Variants in ACSM3 observed in about 807,000 individuals in gnomAD.
The protein encoded by ACSM3 is acyl-CoA synthetase medium chain family member 3.
ACSM3 carries 61 observed loss-of-function variants against 74.1 expected under a neutral mutation model. That is an observed-to-expected ratio of 0.82 (90% CI 0.67 to 1.02). ACSM3 has a LOEUF of 1.02. ACSM3 is among the 50% of genes least tolerant of loss of function. The pLI is 0.00. For synonymous variants in ACSM3, 213 were observed against 241.5 expected, an observed-to-expected ratio of 0.88 and a Z score of 1.09; for missense variants, 660 against 697.0, an observed-to-expected ratio of 0.95 and a Z score of 0.60.
intron 2 of ACSM3, 115 bp from the exon 3 acceptor site, chr16:20,775,714 CTCCATCCATG>C (rs2080247167): frequency 1.1e-6 from 1 of 921,328 alleles, no homozygotes; most frequent in African/African-American, 1.6e-5. Flanking sequence ...TTTCCAAATT[CTCCATCCATG>C]TTCTAACTAA....
At chr16:20,754,959 G>A (rs978284846) in intron 2 of ACSM3, among the ~76,000 whole-genome samples, 23 of 152,130 alleles carry the variant, frequency 1.5e-4, no homozygotes, top group Non-Finnish European at 2.1e-4. Context: ...TAGAGGGGCA[G>A]AGGAATTATT....
chr16:20,677,333 G>T (rs2020350419), intron 1 of ACSM3, among the ~76,000 whole-genome samples: 1 of 152,070 alleles, frequency 6.6e-6, no homozygotes, highest in South Asian at 2.1e-4. Context: ...AGGCCATGAA[G>T]GTTCTAACTC....
At chr16:20,765,817 C>T (rs2080119994) in intron 1 of ACSM3, among the ~76,000 whole-genome samples, 1 of 152,218 alleles carries the variant, frequency 6.6e-6, no homozygotes, top group Non-Finnish European at 1.5e-5. Flanking sequence ...AAATGCTTAA[C>T]AGTACAACCA....
At chr16:20,677,659 G>A (rs928585004) in intron 1 of ACSM3, among the ~76,000 whole-genome samples, 2 of 152,172 alleles carry the variant, frequency 1.3e-5, no homozygotes, top group African/African-American at 4.8e-5. Context: ...AGTTTCATAC[G>A]AAAGGGAATC....
intron 1 of ACSM3, chr16:20,718,426 A>C (rs887835445): frequency 4.1e-6 from 3 of 725,902 alleles, no homozygotes; most frequent in Non-Finnish European, 5.9e-6. Flanking sequence ...CAGTGGGACG[A>C]CAGGCTCTCC....
chr16:20,709,116 G>A (rs1463188410), intron 1 of ACSM3, among the ~76,000 whole-genome samples: 2 of 152,124 alleles, frequency 1.3e-5, no homozygotes, highest in Non-Finnish European at 2.9e-5. Flanking sequence ...TGTACCCAAA[G>A]TATAATTTAA....
chr16:20,682,063 C>T (rs772744892), intron 1 of ACSM3: 18 of 559,694 alleles, frequency 3.2e-5, no homozygotes, highest in Admixed American at 9.2e-5. Context: ...CAGATCTCCC[C>T]TCTCACCCCA....
At chr16:20,769,948 A>T in intron 1 of ACSM3, 36 bp from the exon 2 acceptor site, 1 of 1,400,210 alleles carries the variant, frequency 7.1e-7, no homozygotes, top group Non-Finnish European at 1.0e-6. Flanking sequence ...CCTTCAGGAC[A>T]GAAACAAATA....
chr16:20,698,212 A>C (rs1487200098), intron 1 of ACSM3, among the ~76,000 whole-genome samples: 2 of 151,406 alleles, frequency 1.3e-5, no homozygotes. Context: ...AAAAAGAAAA[A>C]CAAACCACGT....
chr16:20,697,596 C>A (rs1389258602), intron 1 of ACSM3: 1 of 125,234 alleles, frequency 8.0e-6, no homozygotes, highest in African/African-American at 2.7e-5. Flanking sequence ...CACACACACA[C>A]ACACACACAG....
intron 4 of ACSM3, among the ~76,000 whole-genome samples, chr16:20,779,198 T>A (rs936946997): frequency 3.9e-5 from 6 of 151,972 alleles, no homozygotes; most frequent in African/African-American, 1.4e-4. Flanking sequence ...TGAGGTGGGA[T>A]GATGGTTTGA....
intron 1 of ACSM3, among the ~76,000 whole-genome samples, chr16:20,740,651 A>G (rs2079909590): frequency 1.3e-5 from 2 of 152,190 alleles, no homozygotes; most frequent in African/African-American, 4.8e-5. Context: ...CCAAGCTAGT[A>G]GAGGATGAGC....
chr16:20,775,551 CAG>C (rs2080245283), intron 2 of ACSM3, among the ~76,000 whole-genome samples: 1 of 152,126 alleles, frequency 6.6e-6, no homozygotes, highest in Non-Finnish European at 1.5e-5. Context: ...TTTCAGGTCT[CAG>C]AGAGTTTTGT....
rs1278461579 is a variant in ACSM3, at chr16:20,770,113, G to C, written c.79G>C (p.Ala27Pro). 6.2e-7 allele frequency: 1 copy of C among 1,614,002 alleles called. No homozygotes were observed. The highest frequency in any genetic ancestry group is 2.2e-5 in the East Asian group (1 of 44,894). The part of the protein sequence containing the change: ...QRLAIFGSVR[A>P]LHKDNRTATP... Reference sequence around the variant, plus strand: ...CCTAGCAATTTTTGGTTCTGTGAGGGCACTGCATAAAGATAATAGAACAGC... The same window carrying C: ...CCTAGCAATTTTTGGTTCTGTGAGGCCACTGCATAAAGATAATAGAACAGC... Residue 27 changes from alanine (A) to proline (P), a missense_variant, in exon 2 of 14, where the codon GCA (alanine) becomes CCA (proline). Coordinates refer to ENST00000289416, the MANE Select transcript of ACSM3 (RefSeq NM_005622.4).
intron 1 of ACSM3, chr16:20,691,096 A>G: frequency 6.2e-7 from 1 of 1,613,734 alleles, no homozygotes; most frequent in Non-Finnish European, 8.5e-7. Flanking sequence ...ATTCTGATAA[A>G]GACCGGCAGC....
chr16:20,690,954 G>A, intron 1 of ACSM3: 3 of 1,571,808 alleles, frequency 1.9e-6, no homozygotes, highest in Middle Eastern at 1.7e-4. Context: ...AGGAAAGTGA[G>A]GCCACCCTTG....
chr16:20,758,154 T>A (rs1400931896), intron 3 of ACSM3, among the ~76,000 whole-genome samples: 3 of 152,254 alleles, frequency 2.0e-5, no homozygotes, highest in Admixed American at 6.5e-5. Flanking sequence ...CCTCATAAAA[T>A]GAGTTAGGGA....
intron 1 of ACSM3, among the ~76,000 whole-genome samples, chr16:20,678,381 A>G (rs1021589533): frequency 6.6e-6 from 1 of 152,210 alleles, no homozygotes; most frequent in Admixed American, 6.5e-5. Flanking sequence ...CCATTTGTAA[A>G]TGAACAATAT....
intron 1 of ACSM3, chr16:20,737,211 A>G (rs755807652): frequency 6.2e-7 from 1 of 1,614,208 alleles, no homozygotes; most frequent in Non-Finnish European, 8.5e-7. Flanking sequence ...GACAGCTTTG[A>G]TGATTTCTAC....
Sources: allele counts gnomAD v4.1 joint callset (sites outside exome capture counted in the v4.1 genomes callset), GRCh38; gene constraint gnomAD v4.1.1; transcripts MANE v1.5; gene names NCBI Gene and HGNC (gene_info 2026-07-23, HGNC 2026-07-21).